LOXL2: variants seen among roughly 807,000 people sequenced by gnomAD.
LOXL2 encodes lysyl oxidase like 2.
In LOXL2, 70 loss-of-function variants were observed where a neutral mutation model predicts 93.0. The observed-to-expected ratio is 0.75, with a 90% CI of 0.62 to 0.92. LOXL2 has a LOEUF of 0.92. Among genes scored for constraint, LOXL2 ranks in the 40% least tolerant of loss-of-function variants. The probability of loss-of-function intolerance (pLI) is 0.00; values close to 1 mark genes in which losing one functional copy is unlikely to be tolerated. For missense variants in LOXL2, 973 were observed against 1,054.9 expected, an observed-to-expected ratio of 0.92 and a Z score of 1.08; for synonymous variants, 438 against 413.2, an observed-to-expected ratio of 1.06 and a Z score of -0.73.
chr8:23,332,363 CCACACA>C (rs796597377), intron 5 of LOXL2, among the ~76,000 whole-genome samples: 1 of 118,822 alleles, frequency 8.4e-6, no homozygotes, highest in Non-Finnish European at 1.8e-5. Flanking sequence ...TCATACACAC[CCACACA>C]CACCCCACAT....
intron 1 of LOXL2, among the ~76,000 whole-genome samples, chr8:23,369,989 G>T (rs1804470482): frequency 6.6e-6 from 1 of 152,156 alleles, no homozygotes; most frequent in Non-Finnish European, 1.5e-5. Flanking sequence ...ACCAGAGAGG[G>T]TTAGAGATTT....
chr8:23,347,365 A>G (rs1804010260), intron 3 of LOXL2, among the ~76,000 whole-genome samples: 1 of 151,692 alleles, frequency 6.6e-6, no homozygotes, highest in Non-Finnish European at 1.5e-5. Context: ...TCAAAAATAA[A>G]TAAATAAATA....
intron 3 of LOXL2, among the ~76,000 whole-genome samples, chr8:23,353,806 T>C (rs1190924817): frequency 6.6e-6 from 1 of 152,220 alleles, no homozygotes; most frequent in Non-Finnish European, 1.5e-5. Flanking sequence ...GTCATTCTGA[T>C]GAAGAAACCA....
chr8:23,371,677 A>G (rs1030057893), intron 1 of LOXL2, among the ~76,000 whole-genome samples: 3 of 144,694 alleles, frequency 2.1e-5, no homozygotes, highest in Non-Finnish European at 3.0e-5. Flanking sequence ...GCGTGAACCC[A>G]GGAGGTGGAG....
At chr8:23,372,708 C>T (rs1396701001) in intron 1 of LOXL2, among the ~76,000 whole-genome samples, 1 of 152,140 alleles carries the variant, frequency 6.6e-6, no homozygotes, top group East Asian at 1.9e-4. Flanking sequence ...TAATGTAACT[C>T]TTCTAAACGT....
At chr8:23,319,698 G>A (rs1048205813) in intron 8 of LOXL2, among the ~76,000 whole-genome samples, 187 bp downstream of exon 8, 4 of 152,250 alleles carry the variant, frequency 2.6e-5, no homozygotes, top group Admixed American at 2.0e-4. Flanking sequence ...CGACCTGCCC[G>A]AGGACTCAGG....
intron 9 of LOXL2, among the ~76,000 whole-genome samples, chr8:23,311,572 G>A (rs1175644149): frequency 6.6e-6 from 1 of 151,520 alleles, no homozygotes; most frequent in African/African-American, 2.4e-5. Context: ...ATGTACCATG[G>A]TTTGTGCTTA....
intron 8 of LOXL2, 120 bp from the exon 9 acceptor site, chr8:23,317,234 A>T: frequency 8.7e-7 from 1 of 1,150,004 alleles, no homozygotes; most frequent in Non-Finnish European, 1.3e-6. Flanking sequence ...TTTCAGATCG[A>T]AACAGCACGG....
chr8:23,396,315 CT>C (rs1800088648), intron 1 of LOXL2, among the ~76,000 whole-genome samples: 1 of 145,292 alleles, frequency 6.9e-6, no homozygotes, highest in Non-Finnish European at 1.5e-5. Flanking sequence ...AAAACTCAGT[CT>C]CAAAAACAAA....
rs548364702 is a variant in LOXL2 at position 23,315,708 on chromosome 8, T to A, written c.1636+1241A>T. Reference sequence around the variant, plus strand: ...CACTGTGAAATGAATGACCTACTCATAATAAATGCATAGAACCCCCTAGTA... The same window carrying A: ...CACTGTGAAATGAATGACCTACTCAAAATAAATGCATAGAACCCCCTAGTA... On this transcript the variant is annotated intron_variant, in intron 9 of 13. Transcript: ENST00000389131. Among the ~76,000 whole-genome samples the A allele has an allele frequency of 6.6e-5, 10 of 152,322 alleles. 1 individual carries two copies. In the South Asian group the frequency reaches 1.5e-3, roughly 22 times the overall value.
chr8:23,374,410 A>G (rs1453975959), intron 1 of LOXL2, among the ~76,000 whole-genome samples: 3 of 152,126 alleles, frequency 2.0e-5, no homozygotes, highest in Non-Finnish European at 4.4e-5. Flanking sequence ...CAATAAACAT[A>G]TGTGTGCATG....
intron 5 of LOXL2, among the ~76,000 whole-genome samples, chr8:23,332,488 C>G (rs1483906730): frequency 1.3e-5 from 1 of 79,134 alleles, no homozygotes; most frequent in South Asian, 5.8e-4. Context: ...ACTCCCATAC[C>G]CCCCCACTCA....
At chr8:23,340,769 A>T (rs745414838) in intron 4 of LOXL2, among the ~76,000 whole-genome samples, 1 of 152,088 alleles carries the variant, frequency 6.6e-6, no homozygotes, top group Non-Finnish European at 1.5e-5. Flanking sequence ...ATTAGGGTCT[A>T]TCTCCTGTAG....
At chr8:23,339,665 G>A (rs964983901) in intron 4 of LOXL2, among the ~76,000 whole-genome samples, 19 of 152,156 alleles carry the variant, frequency 1.2e-4, no homozygotes, top group Non-Finnish European at 2.1e-4. Context: ...TCTTGGCTCC[G>A]ACTGGTAAGA....
At position 23,360,151 on chromosome 8, in the gene LOXL2, A is replaced by G; in HGVS notation, c.470T>C (p.Val157Ala). 4.3e-6 allele frequency: 7 copies of G among 1,613,936 alleles called. No homozygotes were observed. The highest frequency in any genetic ancestry group is 5.1e-6 in the Non-Finnish European group (6 of 1,179,838). The stretch of plus-strand genomic sequence containing the variant: ...CCCAGGAATCCTTTTGTCGCTGCAC[A>G]CCACACCGACATCCTCCGTGTGCTT... Reference protein sequence around the residue: ...DCKHTEDVGVVCSDKRIPGFK... With the variant: ...DCKHTEDVGVACSDKRIPGFK... Residue 157 changes from valine to alanine, a missense_variant, in exon 3 of 14, where the codon GTG becomes GCG. Val to Ala is a moderately conservative substitution (Grantham distance 64). Coordinates refer to ENST00000389131, the MANE Select transcript of LOXL2 (RefSeq NM_002318.3).
rs576152301 is a variant in LOXL2 at position 23,302,455 on chromosome 8, G to A, written c.1997-292C>T. 5.9e-5 allele frequency among the ~76,000 whole-genome samples: 9 copies of A among 152,168 alleles called. No individual in the cohort carries two copies. The South Asian group carries it at 1.5e-3, about 25-fold the overall frequency. On this transcript the variant is annotated intron_variant, in intron 11 of 13. Transcript: ENST00000389131. ...ACATCCTCAGCCTGGGGATAACTGC[G>A]TGTGTGTGGACCGAGGAAATCTCTG...
chr8:23,382,389 G>A (rs760384750), intron 1 of LOXL2: 1 of 152,078 alleles, frequency 6.6e-6, no homozygotes, highest in Non-Finnish European at 1.5e-5. Context: ...GGTGGCACAT[G>A]CCTGTAGTCC....
intron 1 of LOXL2, among the ~76,000 whole-genome samples, chr8:23,395,675 A>G (rs369411084): frequency 3.4e-4 from 52 of 152,018 alleles, no homozygotes; most frequent in African/African-American, 1.2e-3. Flanking sequence ...TCAAAATATT[A>G]CTCTTGACTG....
chr8:23,348,364 C>A (rs1804028594), intron 3 of LOXL2, among the ~76,000 whole-genome samples: 1 of 151,790 alleles, frequency 6.6e-6, no homozygotes, highest in Non-Finnish European at 1.5e-5. Context: ...ATGTAACGGG[C>A]CTGCACATTG....
Sources: allele counts gnomAD v4.1 joint callset (sites outside exome capture counted in the v4.1 genomes callset), GRCh38; gene constraint gnomAD v4.1.1; transcripts MANE v1.5; gene names NCBI Gene and HGNC (gene_info 2026-07-23, HGNC 2026-07-21).